SLC35F3: variants seen among roughly 807,000 people sequenced by gnomAD.
SLC35F3 encodes the protein solute carrier family 35 member F3.
In SLC35F3, 25 loss-of-function variants were observed where a neutral mutation model predicts 49.9. That is an observed-to-expected ratio of 0.50 (90% CI 0.37 to 0.70). SLC35F3 has a LOEUF of 0.70. Ranked by LOEUF, SLC35F3 falls within the 30% of genes least tolerant of loss-of-function variation. SLC35F3 has a pLI of 0.00. For missense variants in SLC35F3, 525 were observed against 639.8 expected (o/e 0.82, Z 1.94); for synonymous variants, 275 against 265.4 (o/e 1.04, Z -0.35).
intron 2 of SLC35F3, among the ~76,000 whole-genome samples, chr1:234,203,452 C>A (rs1017924894): frequency 5.3e-5 from 8 of 152,186 alleles, no homozygotes; most frequent in Non-Finnish European, 1.0e-4. Flanking sequence ...AGGGCTCATG[C>A]CTGTAATCCC....
intron 3 of SLC35F3, among the ~76,000 whole-genome samples, chr1:234,294,902 T>TG (rs1024554449): frequency 1.3e-4 from 19 of 148,022 alleles, no homozygotes; most frequent in South Asian, 4.3e-4. Context: ...ACAGGGTGCC[T>TG]GGGGGGGGAA....
At chr1:234,039,606 C>T (rs1411551221) in intron 2 of SLC35F3, among the ~76,000 whole-genome samples, 6 of 152,154 alleles carry the variant, frequency 3.9e-5, no homozygotes, top group Non-Finnish European at 5.9e-5. Context: ...AGTCACGGAG[C>T]TGTGTTTCAT....
intron 2 of SLC35F3, among the ~76,000 whole-genome samples, chr1:233,961,735 C>T (rs755122140): frequency 1.3e-5 from 2 of 152,152 alleles, no homozygotes; most frequent in African/African-American, 2.4e-5. Context: ...GGATTATAGG[C>T]GTGAGCCACA....
At chr1:234,282,778 G>A (rs76127778) in intron 3 of SLC35F3, among the ~76,000 whole-genome samples, 7,740 of 152,264 alleles carry the variant, frequency 0.051, 247 homozygotes, top group South Asian at 0.084. Flanking sequence ...GCATTGGCAT[G>A]GGTTGTTCTT....
intron 3 of SLC35F3, among the ~76,000 whole-genome samples, chr1:234,247,620 T>C (rs1667655883): frequency 6.6e-6 from 1 of 152,150 alleles, no homozygotes; most frequent in African/African-American, 2.4e-5. Flanking sequence ...TATTGTTCAG[T>C]AGGTTGGTTG....
At chr1:234,116,299 T>C (rs1002210646) in intron 2 of SLC35F3, among the ~76,000 whole-genome samples, 2 of 152,140 alleles carry the variant, frequency 1.3e-5, no homozygotes, top group Non-Finnish European at 2.9e-5. Flanking sequence ...GAACAAAAGA[T>C]GCACCTATGG....
At chr1:233,980,729 T>G (rs1196931471) in intron 2 of SLC35F3, among the ~76,000 whole-genome samples, 2 of 152,226 alleles carry the variant, frequency 1.3e-5, no homozygotes, top group Non-Finnish European at 2.9e-5. Context: ...GATGATGATT[T>G]TGTTAATACA....
chr1:234,136,734 T>C (rs186126623), intron 2 of SLC35F3, among the ~76,000 whole-genome samples: 102 of 152,322 alleles, frequency 6.7e-4, no homozygotes, highest in Non-Finnish European at 1.2e-3. Flanking sequence ...AGAACCCGAT[T>C]TGAGTCTGAG....
intron 2 of SLC35F3, among the ~76,000 whole-genome samples, chr1:234,026,482 C>T (rs1416221583): frequency 1.3e-5 from 2 of 152,208 alleles, no homozygotes; most frequent in Admixed American, 6.5e-5. Context: ...GGCCTTTATA[C>T]AGTTTAGTGC....
At position 234,017,778 on chromosome 1, in the gene SLC35F3, C is replaced by T. The variant is rs141210162; in HGVS notation, c.283+112020C>T. 2.7e-5 allele frequency among the ~76,000 whole-genome samples: 4 copies of T among 149,842 alleles called. No individual in the cohort carries two copies. The East Asian group carries it at 5.9e-4, about 22-fold the overall frequency. ...GGTGCAAAAGTAATTGCTGTTTTTGCCATTACTTTCAATGGCAAAAACCGT... is the reference window on the plus strand; with the variant it reads ...GGTGCAAAAGTAATTGCTGTTTTTGTCATTACTTTCAATGGCAAAAACCGT... On this transcript the variant is annotated intron_variant, in intron 2 of 7. Transcript: ENST00000366618.
At chr1:233,970,387 C>G (rs1662973141) in intron 2 of SLC35F3, among the ~76,000 whole-genome samples, 1 of 152,180 alleles carries the variant, frequency 6.6e-6, no homozygotes, top group African/African-American at 2.4e-5. Context: ...GTGCCTGATG[C>G]AGATAATATT....
chr1:234,164,094 C>G (rs560871463), intron 2 of SLC35F3, among the ~76,000 whole-genome samples: 1 of 151,646 alleles, frequency 6.6e-6, no homozygotes, highest in East Asian at 1.9e-4. Context: ...CTCTCTCCCT[C>G]TCTCTCTTTC....
rs116137565 is a variant in SLC35F3 at position 233,982,864 on chromosome 1, G to C, written c.283+77106G>C. ...GAAATTTTTAGCTGTGGTCATAAAG[G>C]ATTCTGAGGGAGAACTGTGGGTGCT... On this transcript the variant is annotated intron_variant, in intron 2 of 7. Coordinates refer to ENST00000366618, the MANE Select transcript of SLC35F3 (RefSeq NM_173508.4). 2.6e-3 allele frequency among the ~76,000 whole-genome samples: 401 copies of C among 152,284 alleles called. 3 individuals carry two copies. The highest frequency in any genetic ancestry group is 9.5e-3 in the African/African-American group (394 of 41,550).
intron 2 of SLC35F3, among the ~76,000 whole-genome samples, chr1:234,154,099 G>A (rs576845822): frequency 1.3e-5 from 2 of 152,106 alleles, no homozygotes; most frequent in South Asian, 4.1e-4. Context: ...AGCTGGGTGG[G>A]GTGGTATATG....
chr1:234,191,698 C>A (rs1049274965), intron 2 of SLC35F3, among the ~76,000 whole-genome samples: 1 of 151,718 alleles, frequency 6.6e-6, no homozygotes, highest in Admixed American at 6.6e-5. Context: ...AATTGATAGA[C>A]CATTAGAAAG....
At chr1:234,237,671 AG>A (rs1246436677) in intron 3 of SLC35F3, among the ~76,000 whole-genome samples, 3 of 152,128 alleles carry the variant, frequency 2.0e-5, no homozygotes, top group Non-Finnish European at 4.4e-5. Flanking sequence ...ACAAGGTGAC[AG>A]GGCCCCTCAT....
intron 2 of SLC35F3, among the ~76,000 whole-genome samples, chr1:234,004,414 A>G (rs777890204): frequency 6.6e-6 from 1 of 152,092 alleles, no homozygotes; most frequent in Non-Finnish European, 1.5e-5. Context: ...AGTGTAATAT[A>G]TTTTCTATGT....
Position 234,129,866 on chromosome 1 carries a change from G to A in SLC35F3, c.284-101551G>A, listed in dbSNP as rs530489606. Among the ~76,000 whole-genome samples the A allele has an allele frequency of 4.6e-5, 7 of 150,914 alleles. No homozygotes were observed. In the South Asian group the frequency reaches 1.5e-3, roughly 32 times the overall value. On this transcript the variant is annotated intron_variant, in intron 2 of 7. Transcript: ENST00000366618. ...TGAAACAAATGAATATCCATATGGG[G>A]GGGAACTAACCTTGACCTACACCTG...
At chr1:234,018,367 C>T (rs1432879699) in intron 2 of SLC35F3, among the ~76,000 whole-genome samples, 2 of 152,208 alleles carry the variant, frequency 1.3e-5, no homozygotes, top group Non-Finnish European at 2.9e-5. Context: ...ATTCAGCTGG[C>T]TCTGAGGAAT....
Sources: allele counts gnomAD v4.1 joint callset (sites outside exome capture counted in the v4.1 genomes callset), GRCh38; gene constraint gnomAD v4.1.1; transcripts MANE v1.5; gene names NCBI Gene and HGNC (gene_info 2026-07-23, HGNC 2026-07-21).